The following TUSC3 variants were observed in gnomAD, a reference collection of about 807,000 sequenced individuals.
TUSC3 encodes the protein tumor suppressor candidate 3.
TUSC3 carries 45 observed loss-of-function variants against 44.8 expected under a neutral mutation model. That is an observed-to-expected ratio of 1.00 (90% CI 0.79 to 1.29). TUSC3 has a LOEUF of 1.29. TUSC3 is among the 50% of genes most tolerant of loss of function. The probability of loss-of-function intolerance (pLI) is 0.00; values close to 1 mark genes in which losing one functional copy is unlikely to be tolerated. For missense variants in TUSC3, 519 were observed against 437.9 expected, an observed-to-expected ratio of 1.19 and a Z score of -1.65; for synonymous variants, 212 against 152.9, an observed-to-expected ratio of 1.39 and a Z score of -2.85.
At chr8:15,689,156 C>T in intron 6 of TUSC3, 1 of 407,544 alleles carries the variant, frequency 2.5e-6, no homozygotes, top group Non-Finnish European at 4.9e-6. Flanking sequence ...CTTTTTCTTT[C>T]CACTCTGCTT....
chr8:15,575,766 TA>T (rs1177125852), intron 1 of TUSC3, among the ~76,000 whole-genome samples: 1 of 152,104 alleles, frequency 6.6e-6, no homozygotes, highest in African/African-American at 2.4e-5. Context: ...GACTCTGCCT[TA>T]AAATAAATAA....
At chr8:15,647,561 C>T (rs1480107441) in intron 2 of TUSC3, among the ~76,000 whole-genome samples, 3 of 152,286 alleles carry the variant, frequency 2.0e-5, no homozygotes, top group South Asian at 4.1e-4. Context: ...TCACAGACTA[C>T]AGCTTCTTTA....
At chr8:15,668,735 A>C (rs572937054) in intron 5 of TUSC3, among the ~76,000 whole-genome samples, 10 of 151,940 alleles carry the variant, frequency 6.6e-5, no homozygotes, top group Admixed American at 2.6e-4. Context: ...ATATCTGAGT[A>C]GCTGTTTTAT....
the TUSC3 span, among the ~76,000 whole-genome samples, chr8:15,841,227 C>G: frequency 1.3e-5 from 2 of 151,818 alleles, no homozygotes; most frequent in African/African-American, 2.4e-5. Context: ...TTCTGTATGT[C>G]CAGATACATA....
chr8:15,460,480 G>A (rs1424133645), intron 1 of TUSC3, among the ~76,000 whole-genome samples: 2 of 152,074 alleles, frequency 1.3e-5, no homozygotes, highest in Non-Finnish European at 1.5e-5. Flanking sequence ...CCCACTCTGT[G>A]GGTTGTCTGT....
the TUSC3 span, among the ~76,000 whole-genome samples, chr8:15,841,207 C>A: frequency 9.9e-4 from 151 of 152,100 alleles, no homozygotes; most frequent in East Asian, 0.019. Context: ...ATACATCAAT[C>A]TGCTTCAGTT....
chr8:15,657,350 C>T (rs1401133143), intron 3 of TUSC3, among the ~76,000 whole-genome samples: 2 of 152,092 alleles, frequency 1.3e-5, no homozygotes, highest in Non-Finnish European at 2.9e-5. Context: ...GAATGTTTTG[C>T]TGCTTAGATA....
chr8:15,541,841 C>T (rs752005550), intron 1 of TUSC3, among the ~76,000 whole-genome samples: 14 of 150,460 alleles, frequency 9.3e-5, no homozygotes, highest in African/African-American at 1.2e-4. Flanking sequence ...AAAAAGTAGA[C>T]AGTTTTTTTT....
chr8:15,438,924 T>A (rs1259612664), intron 1 of TUSC3, among the ~76,000 whole-genome samples: 2 of 152,142 alleles, frequency 1.3e-5, no homozygotes, highest in African/African-American at 4.8e-5. Context: ...CAATTTAAAA[T>A]GGTGTGGTCG....
intron 2 of TUSC3, among the ~76,000 whole-genome samples, chr8:15,494,145 G>T (rs1585065036): frequency 6.6e-6 from 1 of 152,046 alleles, no homozygotes; most frequent in East Asian, 1.9e-4. Flanking sequence ...TTATTTGGCT[G>T]TTTCGAGTTG....
At chr8:15,626,100 C>T (rs1488323774) in intron 2 of TUSC3, among the ~76,000 whole-genome samples, 2 of 152,142 alleles carry the variant, frequency 1.3e-5, no homozygotes, top group African/African-American at 4.8e-5. Flanking sequence ...GACCCGTGTG[C>T]ACCGTGCCCC....
intron 6 of TUSC3, among the ~76,000 whole-genome samples, chr8:15,704,594 G>T (rs374146639): frequency 6.6e-6 from 1 of 151,866 alleles, no homozygotes; most frequent in Non-Finnish European, 1.5e-5. Flanking sequence ...AGACTGTAAC[G>T]CTGGTTCTCC....
chr8:15,747,715 G>A (rs1184832935), intron 8 of TUSC3, among the ~76,000 whole-genome samples: 3 of 151,974 alleles, frequency 2.0e-5, no homozygotes, highest in Non-Finnish European at 4.4e-5. Flanking sequence ...AACCTAGACC[G>A]CAGCACATTC....
At chr8:15,795,724 A>C in the TUSC3 span, among the ~76,000 whole-genome samples, 1 of 152,330 alleles carries the variant, frequency 6.6e-6, no homozygotes, top group Non-Finnish European at 1.5e-5. Context: ...TACCCACATC[A>C]GTTTTTGGGC....
chr8:15,606,854 G>C (rs1804550063), intron 1 of TUSC3, among the ~76,000 whole-genome samples: 1 of 152,000 alleles, frequency 6.6e-6, no homozygotes, highest in Admixed American at 6.6e-5. Flanking sequence ...CCAATGCATA[G>C]CCATATTGTA....
the TUSC3 span, among the ~76,000 whole-genome samples, chr8:15,796,335 A>C: frequency 3.0e-4 from 45 of 152,296 alleles, no homozygotes; most frequent in African/African-American, 1.1e-3. Flanking sequence ...TTACTTTCAC[A>C]GTTCTTGATC....
intron 1 of TUSC3, among the ~76,000 whole-genome samples, chr8:15,573,475 G>A (rs1195367558): frequency 6.6e-6 from 1 of 151,876 alleles, no homozygotes; most frequent in Admixed American, 6.6e-5. Context: ...AAGGAGCCCA[G>A]TGGGTTTATA....
chr8:15,810,469 C>G, the TUSC3 span, among the ~76,000 whole-genome samples: 1 of 151,938 alleles, frequency 6.6e-6, no homozygotes, highest in African/African-American at 2.4e-5. Flanking sequence ...GAGATGTACT[C>G]TCTACAGATA....
chr8:15,661,705 C>A (rs1196325113), intron 4 of TUSC3, among the ~76,000 whole-genome samples: 1 of 151,830 alleles, frequency 6.6e-6, no homozygotes, highest in Non-Finnish European at 1.5e-5. Flanking sequence ...ATACTACAGT[C>A]TTCGTGTTTT....
Sources: allele counts gnomAD v4.1 joint callset (sites outside exome capture counted in the v4.1 genomes callset), GRCh38; gene constraint gnomAD v4.1.1; transcripts MANE v1.5; gene names NCBI Gene and HGNC (gene_info 2026-07-23, HGNC 2026-07-21).